Variants in KYNU observed in about 807,000 individuals in gnomAD.
The protein encoded by KYNU is L-kynurenine hydrolase.
KYNU carries 54 observed loss-of-function variants against 59.2 expected under a neutral mutation model. The ratio of observed to expected loss-of-function variants is 0.91; its 90% CI spans 0.73 to 1.14. KYNU has a LOEUF of 1.14. Ranked by LOEUF, KYNU falls within the 50% of genes most tolerant of loss-of-function variation. The probability of loss-of-function intolerance (pLI) is 0.00; values close to 1 mark genes in which losing one functional copy is unlikely to be tolerated. For missense variants in KYNU, 567 were observed against 554.4 expected (o/e 1.02, Z -0.23); for synonymous variants, 177 against 192.0 (o/e 0.92, Z 0.65).
chr2:142,879,082 A>G (rs1371212884), intron 1 of KYNU, among the ~76,000 whole-genome samples: 3 of 152,230 alleles, frequency 2.0e-5, no homozygotes, highest in Admixed American at 6.5e-5. Flanking sequence ...CTTTCAGAAT[A>G]TGAGCATGTC....
At chr2:142,897,041 G>A (rs1681901941) in intron 2 of KYNU, among the ~76,000 whole-genome samples, 1 of 152,142 alleles carries the variant, frequency 6.6e-6, no homozygotes, top group Non-Finnish European at 1.5e-5. Context: ...TTAGAAGTGT[G>A]TTGTTTAATT....
chr2:142,947,147 G>A (rs1232820034), intron 4 of KYNU: 2 of 1,550,972 alleles, frequency 1.3e-6, no homozygotes, highest in Non-Finnish European at 1.7e-6. Context: ...ACCTGGAAAT[G>A]ACCTCAGTAT....
At chr2:143,036,584 A>G (rs1470224995) in intron 12 of KYNU, among the ~76,000 whole-genome samples, 2 of 152,246 alleles carry the variant, frequency 1.3e-5, no homozygotes, top group Non-Finnish European at 2.9e-5. Context: ...AGCTAAAAAC[A>G]TAAAGTATAT....
intron 13 of KYNU, among the ~76,000 whole-genome samples, chr2:143,041,609 C>A (rs926150299): frequency 6.6e-6 from 1 of 151,892 alleles, no homozygotes; most frequent in Non-Finnish European, 1.5e-5. Context: ...TACAATGTAG[C>A]CCACTTCTTA....
At chr2:142,968,571 A>G (rs1230206421) in intron 8 of KYNU, among the ~76,000 whole-genome samples, 1 of 152,152 alleles carries the variant, frequency 6.6e-6, no homozygotes, top group African/African-American at 2.4e-5. Flanking sequence ...TTGGAATGAA[A>G]TACAGGTGGA....
At chr2:143,013,298 C>CTGTG (rs71301735) in intron 10 of KYNU, among the ~76,000 whole-genome samples, 204 of 149,572 alleles carry the variant, frequency 1.4e-3, no homozygotes, top group African/African-American at 4.8e-3. Flanking sequence ...GTCTCTTTCT[C>CTGTG]TGTGTGTGTG....
intron 3 of KYNU, among the ~76,000 whole-genome samples, chr2:142,924,792 A>G (rs187454013): frequency 6.6e-6 from 1 of 152,300 alleles, no homozygotes; most frequent in East Asian, 1.9e-4. Flanking sequence ...TGTTTGAACA[A>G]TATATTTTTT....
At chr2:142,937,455 A>C (rs142807838) in intron 4 of KYNU, among the ~76,000 whole-genome samples, 27 of 152,262 alleles carry the variant, frequency 1.8e-4, no homozygotes, top group Non-Finnish European at 3.5e-4. Context: ...GGATCACCTT[A>C]CAACAAACCC....
In KYNU at chr2:143,017,434, C is replaced by CTTTTTTTTTTTT. The variant is rs1184177776; in HGVS notation, c.903-12180_903-12169dup. On this transcript the variant is annotated intron_variant, in intron 10 of 13. Coordinates refer to ENST00000264170, the MANE Select transcript of KYNU (RefSeq NM_003937.3). The stretch of plus-strand genomic sequence containing the variant: ...TTTTTTGACCTTTTCTCTCTTTTTT[C>CTTTTTTTTTTTT]TTTTTTTTTTTTTTTTTTTTTTTTG... 1.5e-3 allele frequency among the ~76,000 whole-genome samples: 101 copies of CTTTTTTTTTTTT among 68,444 alleles called. 1 individual carries two copies. The highest frequency in any genetic ancestry group is 1.8e-3 in the Non-Finnish European group (69 of 38,578). 44.9% of individuals were successfully genotyped at this position (68,444 alleles called of 152,430 possible).
At chr2:142,977,372 G>GAGTTATATATATATATAT (rs1553484697) in intron 8 of KYNU, among the ~76,000 whole-genome samples, 3,627 of 131,174 alleles carry the variant, frequency 0.028, 199 homozygotes, top group African/African-American at 0.1. Flanking sequence ...ATTTTGTGTG[G>GAGTTATATATATATATAT]ATATATATAT....
At chr2:142,952,571 G>C (rs934513284) in intron 4 of KYNU, among the ~76,000 whole-genome samples, 2 of 151,812 alleles carry the variant, frequency 1.3e-5, no homozygotes, top group African/African-American at 2.4e-5. Flanking sequence ...AGAGTAGCTG[G>C]AACTATAGGA....
In KYNU at chr2:143,003,291, G is replaced by C. The variant is rs990921470; in HGVS notation, c.902+17270G>C. ...AAAAACACTTCTTTACAGCTGGGGGGGGTGGCTCACACCTATAATCCCAGC... is the reference window on the plus strand; with the variant it reads ...AAAAACACTTCTTTACAGCTGGGGGCGGTGGCTCACACCTATAATCCCAGC... On this transcript the variant is annotated intron_variant, in intron 10 of 13. Coordinates refer to ENST00000264170, the MANE Select transcript of KYNU (RefSeq NM_003937.3). Among the ~76,000 whole-genome samples, 121 of 151,644 alleles carry C rather than the reference G, an allele frequency of 8.0e-4. 1 individual carries two copies. Among genetic ancestry groups the C allele is most frequent in the Admixed American group, 7.7e-3 (117 of 15,176 alleles).
rs944475210 is a variant in KYNU, at chr2:143,050,971, G to C, written c.*8799G>C. ...ACCTTGTTACTGAGATTATGGATGT[G>C]ATGCTTCTGTGGGCCATTAGCATGT... On this transcript the variant is annotated 3_prime_UTR_variant, in exon 14 of 14. Coordinates refer to ENST00000264170, the MANE Select transcript of KYNU (RefSeq NM_003937.3). The C allele has an allele frequency of 5.3e-5, 8 of 152,180 alleles. No homozygotes were observed. The highest frequency in any genetic ancestry group is 5.2e-4 in the Admixed American group (8 of 15,286). The allele number at this position is 152,180 out of a possible 1,614,324, so 9.4% of individuals were successfully genotyped here.
At chr2:142,895,869 G>C (rs1421931078) in intron 2 of KYNU, among the ~76,000 whole-genome samples, 1 of 152,058 alleles carries the variant, frequency 6.6e-6, no homozygotes, top group East Asian at 1.9e-4. Context: ...ACTTTTTGTA[G>C]AGATGAGGTT....
chr2:142,896,939 T>C (rs1161088696), intron 2 of KYNU, among the ~76,000 whole-genome samples: 1 of 152,240 alleles, frequency 6.6e-6, no homozygotes, highest in Non-Finnish European at 1.5e-5. Flanking sequence ...AGTATATTTA[T>C]TTTTTCTTTT....
rs779132608 is a variant in KYNU, at chr2:142,918,769, C to T, written c.290+40C>T. ...AAAAGCTACTACTCTACATCTCATACAAAAATTTACAAAATCACATTAGGT... is the reference window on the plus strand; with the variant it reads ...AAAAGCTACTACTCTACATCTCATATAAAAATTTACAAAATCACATTAGGT... On this transcript the variant is annotated intron_variant, in intron 3 of 13. Coordinates refer to ENST00000264170, the MANE Select transcript of KYNU (RefSeq NM_003937.3). 4.4e-6 allele frequency: 7 copies of T among 1,580,900 alleles called. No homozygotes were observed. The African/African-American group carries it at 6.8e-5, about 15-fold the overall frequency.
chr2:142,885,678 GT>G, intron 2 of KYNU, 142 bp downstream of exon 2: 1 of 802,268 alleles, frequency 1.2e-6, no homozygotes. Flanking sequence ...AAGATCCCTG[GT>G]GCTCTCAATC....
In KYNU at chr2:143,053,619, T is replaced by TGA. The variant is rs1687304972; in HGVS notation, c.*11448_*11449dup. 6.6e-6 allele frequency: 1 copy of TGA among 152,318 alleles called. No individual in the cohort carries two copies. Among genetic ancestry groups the TGA allele is most frequent in the Non-Finnish European group, 1.5e-5 (1 of 68,128 alleles). 9.4% of individuals were successfully genotyped at this position (152,318 alleles called of 1,614,324 possible). On this transcript the variant is annotated 3_prime_UTR_variant, in exon 14 of 14. Coordinates refer to ENST00000264170, the MANE Select transcript of KYNU (RefSeq NM_003937.3). Reference sequence around the variant, plus strand: ...GATGGTGAGTAAGTCTCATGAGATCTGATGGTTTTATAAAGGGGAGTTTCC... The same window carrying TGA: ...GATGGTGAGTAAGTCTCATGAGATCTGAGATGGTTTTATAAAGGGGAGTTTCC...
At chr2:142,879,240 A>G (rs995931403) in intron 1 of KYNU, among the ~76,000 whole-genome samples, 2 of 152,156 alleles carry the variant, frequency 1.3e-5, no homozygotes, top group African/African-American at 4.8e-5. Context: ...TATTCTGGGA[A>G]CTAAAGACTA....
Sources: gnomAD v4.1 joint callset for allele counts (sites outside exome capture counted in the v4.1 genomes callset) on GRCh38, gnomAD v4.1.1 for gene constraint, MANE v1.5 for transcripts, NCBI Gene and HGNC (gene_info 2026-07-23, HGNC 2026-07-21) for gene names.